Variants in ZNF257 observed in about 807,000 individuals in gnomAD.
The protein encoded by ZNF257 is zinc finger protein 257.
ZNF257 carries 12 observed loss-of-function variants against 11.9 expected under a neutral mutation model. That is an observed-to-expected ratio of 1.01 (90% CI 0.65 to 1.63). The LOEUF is 1.63. Among genes scored for constraint, ZNF257 ranks in the 40% most tolerant of loss-of-function variants. ZNF257 has a pLI of 0.00. For missense variants in ZNF257, 580 were observed against 665.5 expected (o/e 0.87, Z 1.41); for synonymous variants, 183 against 222.7 (o/e 0.82, Z 1.59).
intron 3 of ZNF257, among the ~76,000 whole-genome samples, chr19:22,079,677 A>G (rs1484002978): frequency 6.6e-6 from 1 of 152,114 alleles, no homozygotes; most frequent in African/African-American, 2.4e-5. Context: ...CTCATGACAC[A>G]TGGGAATTGT....
intron 1 of ZNF257, among the ~76,000 whole-genome samples, chr19:22,056,853 G>A (rs2021656528): frequency 6.6e-6 from 1 of 152,142 alleles, no homozygotes. Flanking sequence ...TTAGCTTTTA[G>A]AATGCTACCA....
intron 1 of ZNF257, among the ~76,000 whole-genome samples, chr19:22,072,528 A>G (rs1194725699): frequency 2.0e-5 from 3 of 152,196 alleles, no homozygotes; most frequent in East Asian, 1.9e-4. Flanking sequence ...CAGACTTTCT[A>G]TAAGTCAGAA....
chr19:22,067,358 C>G (rs1483006501), intron 1 of ZNF257, among the ~76,000 whole-genome samples: 1 of 152,156 alleles, frequency 6.6e-6, no homozygotes. Context: ...TCTCCACTTT[C>G]TTGTATCTCC....
chr19:22,081,409 T>G (rs1438693442), intron 3 of ZNF257, among the ~76,000 whole-genome samples: 1 of 151,904 alleles, frequency 6.6e-6, no homozygotes, highest in Non-Finnish European at 1.5e-5. Context: ...AATATAGATT[T>G]TTTTCATTCT....
Position 22,052,548 on chromosome 19 carries a change from T to C in ZNF257, c.-85T>C. The C allele has an allele frequency of 2.0e-6, 3 of 1,521,334 alleles. No homozygotes were observed. The highest frequency in any genetic ancestry group is 2.7e-6 in the Non-Finnish European group (3 of 1,106,176). The allele number at this position is 1,521,334 out of a possible 1,614,324, so 94.2% of individuals were successfully genotyped here. A position where few individuals can be genotyped will look rare whatever the true frequency, so the allele number is the denominator to read the frequency against. ...TTCCCTGGTCTGTGTCCTCTTCTCC[T>C]AGGGGCCCAGCCTCTGTGGCCCTGT... On this transcript the variant is annotated 5_prime_UTR_variant, in exon 1 of 4. Transcript: ENST00000594947.
intron 1 of ZNF257, among the ~76,000 whole-genome samples, chr19:22,067,368 C>T (rs149083229): frequency 1.5e-4 from 23 of 152,264 alleles, no homozygotes; most frequent in African/African-American, 4.6e-4. Flanking sequence ...CTTGTATCTC[C>T]TCTTGCTAAA....
intron 3 of ZNF257, among the ~76,000 whole-genome samples, chr19:22,079,987 ATTG>A (rs1464168043): frequency 6.6e-6 from 1 of 151,964 alleles, no homozygotes; most frequent in African/African-American, 2.4e-5. Context: ...AAATGTATTT[ATTG>A]TTGTTTTTAG....
rs139394563 is a variant in ZNF257 at position 22,089,857 on chromosome 19, C to T, written c.*415C>T. On this transcript the variant is annotated 3_prime_UTR_variant, in exon 4 of 4. Transcript: ENST00000594947. Reference sequence around the variant, plus strand: ...AGATATAAGATGTTTCATACTGGAGCGAAACTACAATCCTGAATGATGTCA... The same window carrying T: ...AGATATAAGATGTTTCATACTGGAGTGAAACTACAATCCTGAATGATGTCA... 5 of 181,250 alleles carry T rather than the reference C, an allele frequency of 2.8e-5. No individual in the cohort carries two copies. Among genetic ancestry groups the T allele is most frequent in the East Asian group, 2.9e-4 (2 of 6,934 alleles). The allele number at this position is 181,250 out of a possible 1,614,324, so 11.2% of individuals were successfully genotyped here.
At chr19:22,080,812 A>G (rs989574328) in intron 3 of ZNF257, among the ~76,000 whole-genome samples, 4 of 151,058 alleles carry the variant, frequency 2.6e-5, no homozygotes, top group South Asian at 2.1e-4. Flanking sequence ...CTGATATTAT[A>G]TATACATATA....
In ZNF257 at chr19:22,089,510, C is replaced by T; in HGVS notation, c.*68C>T. The T allele has an allele frequency of 6.5e-7, 1 of 1,526,796 alleles. No individual in the cohort carries two copies. The highest frequency in any genetic ancestry group is 1.3e-5 in the South Asian group (1 of 78,844). The allele number at this position is 1,526,796 out of a possible 1,614,324, so 94.6% of individuals were successfully genotyped here. The stretch of plus-strand genomic sequence containing the variant: ...TAACTGTTCCTCAATCCTTACTAAA[C>T]ATAAGGGAATTCATAATAGAGAAAC... On this transcript the variant is annotated 3_prime_UTR_variant, in exon 4 of 4. Transcript: ENST00000594947.
At chr19:22,062,484 CT>C (rs34616431) in intron 1 of ZNF257, among the ~76,000 whole-genome samples, 84,961 of 136,474 alleles carry the variant, frequency 0.62, 26,485 homozygotes, top group South Asian at 0.81. Flanking sequence ...TTCTTTCTTT[CT>C]TTTTTTTTTT....
rs80144376 is a variant in ZNF257, at chr19:22,068,517, G to A, written c.4-4292G>A. Among the ~76,000 whole-genome samples, 373 of 152,204 alleles carry A rather than the reference G, an allele frequency of 2.5e-3. 4 individuals are homozygous for A. The highest frequency in any genetic ancestry group is 2.7e-3 in the East Asian group (14 of 5,170). On this transcript the variant is annotated intron_variant, in intron 1 of 3. Coordinates refer to ENST00000594947, the MANE Select transcript of ZNF257 (RefSeq NM_033468.4). ...ATTAAGAAGGTAATGAAAACCAACA[G>A]GAGGAATTTCTGCATTGTGAGATGT...
chr19:22,072,542 G>C (rs942390873), intron 1 of ZNF257, among the ~76,000 whole-genome samples: 3 of 152,094 alleles, frequency 2.0e-5, no homozygotes, highest in Admixed American at 6.6e-5. Flanking sequence ...GTCAGAACCA[G>C]TTCTCTACTC....
rs753434559 is a variant in ZNF257 at position 22,089,121 on chromosome 19, A to G, written c.1371A>G (p.Lys457=). ...ATAAGATAATTCATACTGGAGAGAA[A>G]CCCTACAAATGTGAAGAGTGTGGCA... is the stretch of plus-strand genomic sequence containing the variant. ...IRHKIIHTGE[K]PYKCEECGKA... is the part of the protein sequence containing the mutation. The change falls in exon 4 of 4, where the codon AAA becomes AAG. Residue 457 remains lysine, a synonymous_variant. Coordinates refer to ENST00000594947, the MANE Select transcript of ZNF257 (RefSeq NM_033468.4). 4 of 1,613,324 alleles carry G rather than the reference A, an allele frequency of 2.5e-6. No individual in the cohort carries two copies. Among genetic ancestry groups the G allele is most frequent in the South Asian group, 2.2e-5 (2 of 91,010 alleles).
chr19:22,088,909 C>A lies in ZNF257; in HGVS notation c.1159C>A (p.Leu387Ile). ...AAAAGCCTTTAACCGGTCTTCACAC[C>A]TTACTAAACATAAGAGAATTCATAC... is the stretch of plus-strand genomic sequence containing the variant. ...CGKAFNRSSHLTKHKRIHTRE... is the reference protein window; with the variant it reads ...CGKAFNRSSHITKHKRIHTRE... Residue 387 changes from leucine (L) to isoleucine (I), a missense_variant, in exon 4 of 4, where the codon CTT (leucine) becomes ATT (isoleucine). Leu to Ile is a conservative substitution (Grantham distance 5). Transcript: ENST00000594947. 6.2e-7 allele frequency: 1 copy of A among 1,611,306 alleles called. No individual in the cohort carries two copies. Among genetic ancestry groups the A allele is most frequent in the Non-Finnish European group, 8.5e-7 (1 of 1,178,594 alleles).
At chr19:22,077,071 T>C (rs533336708) in intron 3 of ZNF257, among the ~76,000 whole-genome samples, 49 of 152,282 alleles carry the variant, frequency 3.2e-4, no homozygotes, top group African/African-American at 1.1e-3. Flanking sequence ...ACCAGGATTT[T>C]GGGAGACCAA....
chr19:22,058,449 G>A (rs905826119), intron 1 of ZNF257, among the ~76,000 whole-genome samples: 1 of 152,100 alleles, frequency 6.6e-6, no homozygotes, highest in African/African-American at 2.4e-5. Flanking sequence ...AGCATAGATG[G>A]GTTCATTGGG....
chr19:22,084,922 T>C (rs2022441936), intron 3 of ZNF257, among the ~76,000 whole-genome samples: 2 of 151,994 alleles, frequency 1.3e-5, no homozygotes, highest in Non-Finnish European at 2.9e-5. Context: ...AGAGACAGGG[T>C]TTCACTATGT....
At position 22,089,447 on chromosome 19, in the gene ZNF257, GA is replaced by G; in HGVS notation, c.*10del. 6.2e-7 allele frequency: 1 copy of G among 1,602,066 alleles called. No individual in the cohort carries two copies. The highest frequency in any genetic ancestry group is 8.5e-7 in the Non-Finnish European group (1 of 1,174,308). On this transcript the variant is annotated 3_prime_UTR_variant, in exon 4 of 4. Coordinates refer to ENST00000594947, the MANE Select transcript of ZNF257 (RefSeq NM_033468.4). ...CTTACTAAACATAATTCATAATGGA[GA>G]AAAACCCTACAAATGTGAAGAATGT... is the stretch of plus-strand genomic sequence containing the variant.
Sources: gnomAD v4.1 joint callset for allele counts (sites outside exome capture counted in the v4.1 genomes callset) on GRCh38, gnomAD v4.1.1 for gene constraint, MANE v1.5 for transcripts, NCBI Gene and HGNC (gene_info 2026-07-23, HGNC 2026-07-21) for gene names.